RAPGEF2: variants seen among roughly 807,000 people sequenced by gnomAD.
The protein encoded by RAPGEF2 is PDZ domain containing guanine nucleotide exchange factor (GEF) 1.
RAPGEF2 carries 54 observed loss-of-function variants against 186.7 expected under a neutral mutation model. That is an observed-to-expected ratio of 0.29 (90% CI 0.23 to 0.36). The LOEUF (loss-of-function observed/expected upper bound fraction) is 0.36. Among genes scored for constraint, RAPGEF2 ranks in the 10% least tolerant of loss-of-function variants. The pLI, the probability that RAPGEF2 is intolerant of heterozygous loss-of-function variation, is 1.00. For synonymous variants in RAPGEF2, 712 were observed against 705.9 expected (o/e 1.01, Z -0.14); for missense variants, 1,532 against 2,045.0 (o/e 0.75, Z 4.84).
At chr4:159,273,679 TTTCTTTCTTTC>T (rs1758461207) in intron 7 of RAPGEF2, among the ~76,000 whole-genome samples, 1 of 150,590 alleles carries the variant, frequency 6.6e-6, no homozygotes, top group Non-Finnish European at 1.5e-5. Context: ...TCTTTCTTTC[TTTCTTTCTTTC>T]TTTCTTTCTT....
intron 1 of RAPGEF2, among the ~76,000 whole-genome samples, chr4:159,170,308 CT>C (rs755153541): frequency 6.6e-6 from 1 of 152,034 alleles, no homozygotes; most frequent in Admixed American, 6.6e-5. Flanking sequence ...TATTAACCCC[CT>C]ATCAGGTGTA....
chr4:159,200,494 GA>G (rs571439218), intron 3 of RAPGEF2, among the ~76,000 whole-genome samples: 4 of 151,660 alleles, frequency 2.6e-5, no homozygotes, highest in Non-Finnish European at 4.4e-5. Flanking sequence ...AATAAATAAT[GA>G]AAAAAATGAT....
At chr4:159,290,070 G>A (rs1760995159) in intron 7 of RAPGEF2, among the ~76,000 whole-genome samples, 1 of 152,110 alleles carries the variant, frequency 6.6e-6, no homozygotes, top group Non-Finnish European at 1.5e-5. Flanking sequence ...TTTTCCTATC[G>A]TGTTTTAAAA....
chr4:159,353,628 G>A lies in RAPGEF2; in HGVS notation c.4233G>A (p.Thr1411=), dbSNP rs753531214. 129 of 1,596,324 alleles carry A rather than the reference G, an allele frequency of 8.1e-5. No homozygotes were observed. The South Asian group carries it at 1.1e-3, about 14-fold the overall frequency. Residue 1411 remains threonine, a synonymous_variant, in exon 28 of 30, where the codon ACG becomes ACA. Coordinates refer to ENST00000691494, the MANE Select transcript of RAPGEF2 (RefSeq NM_001394067.2). This position sits in a 1 kb window ranked among gnomAD's most constrained non-coding sequence, Gnocchi z 4.3. The part of the protein sequence containing the change: ...DAADSGRGSW[T]SCSSGSHDNI... ...CTGACAGTGGCCGTGGGAGCTGGAC[G>A]TCATGCTCAAGTGGCTCCCATGATA...
At chr4:159,331,142 T>C (rs947294921) in intron 13 of RAPGEF2, among the ~76,000 whole-genome samples, 1 of 152,238 alleles carries the variant, frequency 6.6e-6, no homozygotes, top group African/African-American at 2.4e-5. Flanking sequence ...ACACCTTTGC[T>C]TTTATTTTGA....
chr4:159,284,846 G>T (rs1432477803), intron 7 of RAPGEF2, among the ~76,000 whole-genome samples: 1 of 152,190 alleles, frequency 6.6e-6, no homozygotes, highest in Admixed American at 6.5e-5. Flanking sequence ...GAGCCCAAGA[G>T]TTGGAGACCA....
Position 159,344,045 on chromosome 4 carries a change from A to T in RAPGEF2, c.3264A>T (p.Lys1088Asn). The change falls in exon 23 of 30, where the codon AAA becomes AAT. Residue 1088 changes from lysine (K) to asparagine (N), a missense_variant. Physicochemically the swap from Lys to Asn is moderately conservative, Grantham distance 94. Around this residue, in one of 4 missense-constraint regions of RAPGEF2, gnomAD observed 117 missense variants for 180.8 expected, o/e 0.65. Coordinates refer to ENST00000691494, the MANE Select transcript of RAPGEF2 (RefSeq NM_001394067.2). ...PALMFRTRKK[K>N]WRSLGSLSQG... ...TGGCTCTCACTTACAGGAAGAAGAA[A>T]TGGCGGAGTTTGGGGTAAGTGGTGG... is the stretch of plus-strand genomic sequence containing the variant. 1 of 1,535,824 alleles carries T rather than the reference A, an allele frequency of 6.5e-7. No individual in the cohort carries two copies. Among genetic ancestry groups the T allele is most frequent in the Non-Finnish European group, 9.0e-7 (1 of 1,108,846 alleles).
chr4:159,331,572 A>T (rs1307522479), intron 14 of RAPGEF2, 34 bp downstream of exon 14: 1 of 1,610,696 alleles, frequency 6.2e-7, no homozygotes, highest in Non-Finnish European at 8.5e-7. Flanking sequence ...GATCAGCTTA[A>T]AGTTCATTTT....
intron 1 of RAPGEF2, among the ~76,000 whole-genome samples, chr4:159,116,915 A>T (rs1414840776): frequency 6.6e-6 from 1 of 152,160 alleles, no homozygotes; most frequent in Admixed American, 6.5e-5. Context: ...AAAAACAGCT[A>T]ATGCATGCTG....
Position 159,304,422 on chromosome 4 carries a change from A to T in RAPGEF2, c.624A>T (p.Gly208=). ...CCCACGTTTCTTCTAGCCATTCAGG[A>T]TGTAGTATCACTAGTGATTCTGGGA... is the stretch of plus-strand genomic sequence containing the variant. ...QVTHVSSSHS[G]CSITSDSGSS... Residue 208 remains glycine, a synonymous_variant, in exon 8 of 30, where the codon GGA becomes GGT. Transcript: ENST00000691494. 6.2e-7 allele frequency: 1 copy of T among 1,602,460 alleles called. No individual in the cohort carries two copies. Among genetic ancestry groups the T allele is most frequent in the Non-Finnish European group, 8.5e-7 (1 of 1,169,790 alleles).
chr4:159,107,613 C>CT (rs200473592), intron 1 of RAPGEF2, among the ~76,000 whole-genome samples: 2 of 151,896 alleles, frequency 1.3e-5, no homozygotes, highest in African/African-American at 2.4e-5. Context: ...AATAATCTTA[C>CT]TTTTTTTTGG....
At chr4:159,332,780 A>G in intron 17 of RAPGEF2, 83 bp downstream of exon 17, 3 of 1,470,434 alleles carry the variant, frequency 2.0e-6, no homozygotes, top group African/African-American at 1.4e-5. Context: ...TAATGTTTGC[A>G]TGAGTCTGAA....
At chr4:159,222,893 G>C (rs1352503478) in intron 4 of RAPGEF2, among the ~76,000 whole-genome samples, 2 of 148,686 alleles carry the variant, frequency 1.3e-5, no homozygotes, top group Non-Finnish European at 3.0e-5. Context: ...CATAGTTCAG[G>C]GACACTTTTA....
chr4:159,204,135 A>G (rs1349980178), intron 3 of RAPGEF2, among the ~76,000 whole-genome samples: 2 of 152,272 alleles, frequency 1.3e-5, no homozygotes, highest in East Asian at 1.9e-4. Context: ...CATGATGCGC[A>G]GTTCCTGCCT....
chr4:159,180,905 T>C (rs145978515), intron 1 of RAPGEF2, among the ~76,000 whole-genome samples: 80 of 152,348 alleles, frequency 5.3e-4, no homozygotes, highest in African/African-American at 1.9e-3. Flanking sequence ...GAATTATAGG[T>C]GATAATATTC....
chr4:159,263,784 T>C (rs570803804), intron 7 of RAPGEF2, among the ~76,000 whole-genome samples: 42 of 152,278 alleles, frequency 2.8e-4, no homozygotes, highest in African/African-American at 8.7e-4. Flanking sequence ...ACCATTTTTC[T>C]CAATTTCATA....
chr4:159,222,469 GTGA>G (rs1751634799), intron 4 of RAPGEF2, among the ~76,000 whole-genome samples: 1 of 152,194 alleles, frequency 6.6e-6, no homozygotes, highest in Admixed American at 6.5e-5. Context: ...CCTGGTTGCA[GTGA>G]TGTTTATATT....
chr4:159,187,412 A>G (rs1018478401), intron 2 of RAPGEF2, among the ~76,000 whole-genome samples: 10 of 152,186 alleles, frequency 6.6e-5, no homozygotes, highest in Middle Eastern at 3.4e-3. Flanking sequence ...AATAGGGGCA[A>G]TATTTGCCAT....
At position 159,169,178 on chromosome 4, in the gene RAPGEF2, A is replaced by ACC. The variant is rs11382188; in HGVS notation, c.70-17459_70-17458dup. Among the ~76,000 whole-genome samples, 349 of 151,952 alleles carry ACC rather than the reference A, an allele frequency of 2.3e-3. 4 individuals are homozygous for ACC. Among genetic ancestry groups the ACC allele is most frequent in the African/African-American group, 7.9e-3 (326 of 41,426 alleles). On this transcript the variant is annotated intron_variant, in intron 1 of 29. Transcript: ENST00000691494. ...GGATAACATCTGAACAGATTTTGGA[A>ACC]CCCCCCTCAACTCCCAATCTATGTG...
Sources: gnomAD v4.1 joint callset for allele counts (sites outside exome capture counted in the v4.1 genomes callset) on GRCh38, gnomAD v4.1.1 for gene constraint, gnomAD v4.1.1 regional missense constraint, Gnocchi (gnomAD v3.1) non-coding constraint, MANE v1.5 for transcripts, NCBI Gene and HGNC (gene_info 2026-07-23, HGNC 2026-07-21) for gene names.